PRKCB: variants seen among roughly 807,000 people sequenced by gnomAD.
The protein encoded by PRKCB is protein kinase C beta, also known as protein kinase C beta type.
A neutral mutation model predicts 81.5 loss-of-function variants in PRKCB; 13 were observed. The ratio of observed to expected loss-of-function variants is 0.16; its 90% CI spans 0.10 to 0.25. The LOEUF (loss-of-function observed/expected upper bound fraction) is 0.25. Ranked by LOEUF, PRKCB falls within the 10% of genes least tolerant of loss-of-function variation. The pLI, the probability that PRKCB is intolerant of heterozygous loss-of-function variation, is 1.00. For synonymous variants in PRKCB, 335 were observed against 321.4 expected (o/e 1.04, Z -0.45); for missense variants, 509 against 875.7 (o/e 0.58, Z 5.29).
At chr16:24,077,844 C>T (rs1026710326) in intron 5 of PRKCB, among the ~76,000 whole-genome samples, 1 of 152,156 alleles carries the variant, frequency 6.6e-6, no homozygotes, top group Non-Finnish European at 1.5e-5. Context: ...TTTTAAAAAT[C>T]CTTGAATTCC....
At chr16:23,998,816 G>A (rs773481214) in intron 3 of PRKCB, among the ~76,000 whole-genome samples, 11 of 152,214 alleles carry the variant, frequency 7.2e-5, no homozygotes, top group Admixed American at 3.3e-4. Context: ...TGAAGAATGA[G>A]CAGGTTCTCT....
At chr16:24,173,250 A>G (rs1335777967) in intron 11 of PRKCB, among the ~76,000 whole-genome samples, 1 of 152,202 alleles carries the variant, frequency 6.6e-6, no homozygotes, top group Non-Finnish European at 1.5e-5. Flanking sequence ...TTCAAAAGGC[A>G]GCTACAGTCT....
At chr16:24,069,548 G>T (rs954176873) in intron 5 of PRKCB, among the ~76,000 whole-genome samples, 9 of 152,100 alleles carry the variant, frequency 5.9e-5, no homozygotes, top group Non-Finnish European at 1.2e-4. Context: ...TTTGATTTCA[G>T]CCTGCAACAT....
chr16:24,185,426 G>A (rs1353904310), intron 14 of PRKCB, 34 bp from the exon 15 acceptor site: 2 of 1,583,172 alleles, frequency 1.3e-6, no homozygotes, highest in South Asian at 2.2e-5. Context: ...TTCAAGCAGG[G>A]ATTCTTCTCC....
intron 9 of PRKCB, among the ~76,000 whole-genome samples, chr16:24,129,187 G>A (rs567751794): frequency 3.3e-5 from 5 of 152,200 alleles, no homozygotes; most frequent in Admixed American, 1.3e-4. Flanking sequence ...TATGATCCAC[G>A]TCTTTAAAAA....
chr16:23,934,310 A>T (rs1467590109), intron 2 of PRKCB, among the ~76,000 whole-genome samples: 1 of 108,470 alleles, frequency 9.2e-6, no homozygotes, highest in East Asian at 2.3e-4. Flanking sequence ...GCATTGAGGA[A>T]AAAAGCTGTT....
rs543785816 is a variant in PRKCB, at chr16:24,220,159, C to G, written c.*5343C>G. Reference sequence around the variant, plus strand: ...TGAGCCTGGGGTGTAAGACTTCAAGCCAAGCGTATGTATCAATTCTAGTCT... The same window carrying G: ...TGAGCCTGGGGTGTAAGACTTCAAGGCAAGCGTATGTATCAATTCTAGTCT... On this transcript the variant is annotated 3_prime_UTR_variant, in exon 17 of 17. Coordinates refer to ENST00000643927, the MANE Select transcript of PRKCB (RefSeq NM_002738.7). 50 of 1,605,712 alleles carry G rather than the reference C, an allele frequency of 3.1e-5. No individual in the cohort carries two copies. Among genetic ancestry groups the G allele is most frequent in the Non-Finnish European group, 3.9e-5 (46 of 1,173,930 alleles).
intron 2 of PRKCB, among the ~76,000 whole-genome samples, chr16:23,941,814 G>A (rs926509586): frequency 2.6e-5 from 4 of 152,104 alleles, no homozygotes; most frequent in Admixed American, 6.5e-5. Flanking sequence ...GATACTTAAG[G>A]AATTCCCATT....
chr16:23,893,029 G>C (rs967399975), intron 2 of PRKCB: 4 of 151,672 alleles, frequency 2.6e-5, no homozygotes, highest in African/African-American at 9.7e-5. Flanking sequence ...TGGCCCTCAT[G>C]CTTAATCTTG....
chr16:23,972,160 A>G (rs545915218), intron 2 of PRKCB, among the ~76,000 whole-genome samples: 53 of 152,328 alleles, frequency 3.5e-4, no homozygotes, highest in African/African-American at 1.3e-3. Context: ...CAAAAACATT[A>G]TTTTAAGTGA....
chr16:23,939,274 G>T (rs566310154), intron 2 of PRKCB, among the ~76,000 whole-genome samples: 117 of 152,288 alleles, frequency 7.7e-4, no homozygotes, highest in African/African-American at 2.6e-3. Context: ...TTCATGAATT[G>T]AAAGACTCAA....
intron 5 of PRKCB, among the ~76,000 whole-genome samples, chr16:24,059,905 A>G (rs564720753): frequency 6.6e-6 from 1 of 152,104 alleles, no homozygotes; most frequent in African/African-American, 2.4e-5. Flanking sequence ...GCATAGTAGG[A>G]GTTAAGAGGC....
At chr16:24,190,318 G>T (rs778729462) in intron 15 of PRKCB, among the ~76,000 whole-genome samples, 1 of 152,140 alleles carries the variant, frequency 6.6e-6, no homozygotes, top group South Asian at 2.1e-4. Flanking sequence ...AATGCAAATG[G>T]TATCTGAATG....
intron 7 of PRKCB, among the ~76,000 whole-genome samples, chr16:24,096,664 AAAATATATATATAT>A (rs1165228833): frequency 0.044 from 3,736 of 85,426 alleles, 209 homozygotes; most frequent in Non-Finnish European, 0.052. Context: ...AAAAAAAAAA[AAAATATATATATAT>A]ATATATATAT....
chr16:23,884,779 A>G (rs1337254228), intron 2 of PRKCB, among the ~76,000 whole-genome samples: 1 of 152,154 alleles, frequency 6.6e-6, no homozygotes, highest in African/African-American at 2.4e-5. Context: ...GGACTCAAGC[A>G]GTCCTCCCAC....
intron 3 of PRKCB, among the ~76,000 whole-genome samples, chr16:24,029,150 T>C (rs1319712807): frequency 6.6e-6 from 1 of 152,248 alleles, no homozygotes; most frequent in Non-Finnish European, 1.5e-5. Flanking sequence ...TTCCAGTTTA[T>C]GTTCTTTCTT....
At chr16:24,096,421 A>C (rs1201291278) in intron 7 of PRKCB, among the ~76,000 whole-genome samples, 2 of 151,706 alleles carry the variant, frequency 1.3e-5, no homozygotes, top group Non-Finnish European at 2.9e-5. Context: ...CCCTGTTACA[A>C]TTTCTGCAAA....
At chr16:24,037,635 C>T (rs1324555552) in intron 5 of PRKCB, among the ~76,000 whole-genome samples, 1 of 152,100 alleles carries the variant, frequency 6.6e-6, no homozygotes, top group Non-Finnish European at 1.5e-5. Flanking sequence ...GGCTAGGGCA[C>T]CTCCTATGGG....
At chr16:24,113,170 T>C (rs1596553773) in intron 8 of PRKCB, 101 bp downstream of exon 8, 2 of 793,494 alleles carry the variant, frequency 2.5e-6, no homozygotes, top group East Asian at 5.9e-5. Context: ...TCTTATTCTT[T>C]TTTCTCTCCT....
Sources: allele counts gnomAD v4.1 joint callset (sites outside exome capture counted in the v4.1 genomes callset), GRCh38; gene constraint gnomAD v4.1.1; transcripts MANE v1.5; gene names NCBI Gene and HGNC (gene_info 2026-07-23, HGNC 2026-07-21).